Variants in COL22A1 observed in about 807,000 individuals in gnomAD.
COL22A1 encodes the protein collagen type XXII alpha 1 chain.
COL22A1 carries 221 observed loss-of-function variants against 248.9 expected under a neutral mutation model. That is an observed-to-expected ratio of 0.89 (90% CI 0.80 to 0.99). The LOEUF (loss-of-function observed/expected upper bound fraction) is 0.99, where lower values mean the gene tolerates loss of function less well. Ranked by LOEUF, COL22A1 falls within the 50% of genes least tolerant of loss-of-function variation. The probability of loss-of-function intolerance (pLI) is 0.00; values close to 1 mark genes in which losing one functional copy is unlikely to be tolerated. For missense variants in COL22A1, 2,240 were observed against 2,179.0 expected, an observed-to-expected ratio of 1.03 and a Z score of -0.56; for synonymous variants, 891 against 793.4, an observed-to-expected ratio of 1.12 and a Z score of -2.07.
In COL22A1 at chr8:138,689,453, T is replaced by C. The variant is rs113628761; in HGVS notation, c.2809-483A>G. ...AGAAGCAAAAAGGGGAGAACACTCA[T>C]GCCTGTAATCCCAGCACTCTGCAAG... is the stretch of plus-strand genomic sequence containing the variant. On this transcript the variant is annotated intron_variant, in intron 36 of 64. Transcript: ENST00000303045. 9.8e-3 allele frequency among the ~76,000 whole-genome samples: 1,492 copies of C among 152,204 alleles called. 25 individuals carry two copies. Among genetic ancestry groups the C allele is most frequent in the African/African-American group, 0.034 (1,429 of 41,542 alleles).
chr8:138,824,552 C>G (rs563182440), intron 6 of COL22A1, among the ~76,000 whole-genome samples: 2 of 152,318 alleles, frequency 1.3e-5, no homozygotes, highest in African/African-American at 4.8e-5. Flanking sequence ...GCCTACAAGA[C>G]TTATTGAAAC....
chr8:138,794,251 G>T (rs1290114983), intron 12 of COL22A1, among the ~76,000 whole-genome samples: 1 of 152,132 alleles, frequency 6.6e-6, no homozygotes, highest in Non-Finnish European at 1.5e-5. Flanking sequence ...GCTGAGCATG[G>T]TGATGCACGC....
At position 138,890,861 on chromosome 8, in the gene COL22A1, GA is replaced by G. The variant is rs559805886; in HGVS notation, c.-72-7618del. Among the ~76,000 whole-genome samples the G allele has an allele frequency of 6.0e-3, 836 of 139,876 alleles. 7 individuals are homozygous for G. Among genetic ancestry groups the G allele is most frequent in the African/African-American group, 0.018 (710 of 38,474 alleles). The allele number at this position is 139,876 out of a possible 152,430, so 91.8% of individuals were successfully genotyped here. A position where few individuals can be genotyped will look rare whatever the true frequency, so the allele number is the denominator to read the frequency against. On this transcript the variant is annotated intron_variant, in intron 1 of 64. Transcript: ENST00000303045. ...AACCTCGTCTCTACAAAAATACAAAGAAAAAAAAAAAACTAGCCGGGCATGG... is the reference window on the plus strand; with the variant it reads ...AACCTCGTCTCTACAAAAATACAAAGAAAAAAAAAAACTAGCCGGGCATGG...
At chr8:138,651,048 C>G (rs941746935) in intron 45 of COL22A1, among the ~76,000 whole-genome samples, 1 of 152,190 alleles carries the variant, frequency 6.6e-6, no homozygotes, top group Admixed American at 6.5e-5. Context: ...TTCTTGGTCT[C>G]CGATTTCAGG....
Position 138,693,717 on chromosome 8 carries a change from G to C in COL22A1, c.2701-18C>G. 6.4e-7 allele frequency: 1 copy of C among 1,560,478 alleles called. No individual in the cohort carries two copies. Among genetic ancestry groups the C allele is most frequent in the Non-Finnish European group, 8.7e-7 (1 of 1,151,784 alleles). On this transcript the variant is annotated intron_variant, in intron 34 of 64. Transcript: ENST00000303045. ...TTGGCACCCTGCACAGGAAATAAAA[G>C]AGGGGCGGGGGTAAGACACCCTCAG...
At chr8:138,822,276 C>T (rs1311338827) in intron 6 of COL22A1, among the ~76,000 whole-genome samples, 2 of 152,184 alleles carry the variant, frequency 1.3e-5, no homozygotes, top group African/African-American at 4.8e-5. Flanking sequence ...TCTCAAACTC[C>T]TGACCTCAAA....
In COL22A1 at chr8:138,776,134, T is replaced by G. The variant is rs1020408821; in HGVS notation, c.1759-124A>C. 21 of 881,884 alleles carry G rather than the reference T, an allele frequency of 2.4e-5. No individual in the cohort carries two copies. In the Admixed American group the frequency reaches 3.8e-4, roughly 16 times the overall value. 54.6% of individuals were successfully genotyped at this position (881,884 alleles called of 1,614,324 possible). A position where few individuals can be genotyped will look rare whatever the true frequency, so the allele number is the denominator to read the frequency against. On this transcript the variant is annotated intron_variant, in intron 15 of 64. Coordinates refer to ENST00000303045, the MANE Select transcript of COL22A1 (RefSeq NM_152888.3). ...CCCAGGGTGGCAGGGATGGTGATAG[T>G]GAGGACCCTGTCTCCCTGTGTAGTC... is the stretch of plus-strand genomic sequence containing the variant.
intron 46 of COL22A1, 22 bp from the exon 47 acceptor site, chr8:138,646,704 A>G (rs777960978): frequency 5.2e-6 from 8 of 1,543,118 alleles, no homozygotes; most frequent in Non-Finnish European, 7.0e-6. Context: ...ATACAAGAAA[A>G]AAAAAGAAAA....
intron 3 of COL22A1, among the ~76,000 whole-genome samples, chr8:138,854,492 G>A (rs368668617): frequency 2.4e-4 from 37 of 152,302 alleles, no homozygotes; most frequent in African/African-American, 8.9e-4. Flanking sequence ...AGGTAGCAGA[G>A]GCAGGGCTCA....
chr8:138,686,300 C>A, intron 37 of COL22A1, among the ~76,000 whole-genome samples: 1 of 152,180 alleles, frequency 6.6e-6, no homozygotes, highest in East Asian at 1.9e-4. Context: ...TCTTCTCTGA[C>A]GACAGGGCTC....
At chr8:138,867,955 G>A (rs993174445) in intron 3 of COL22A1, among the ~76,000 whole-genome samples, 1 of 152,110 alleles carries the variant, frequency 6.6e-6, no homozygotes, top group Non-Finnish European at 1.5e-5. Flanking sequence ...AGTACAGACA[G>A]GGTTTCACCA....
chr8:138,880,154 G>A (rs939392073), intron 2 of COL22A1, among the ~76,000 whole-genome samples: 2 of 152,244 alleles, frequency 1.3e-5, no homozygotes, highest in African/African-American at 4.8e-5. Flanking sequence ...AATCACCTAT[G>A]TGGAATTAAA....
chr8:138,796,459 CTTTGTG>C (rs949319184), intron 12 of COL22A1, among the ~76,000 whole-genome samples: 1 of 66,056 alleles, frequency 1.5e-5, no homozygotes, highest in Non-Finnish European at 3.0e-5. Context: ...AAGTGTATCT[CTTTGTG>C]TTTATCTTAA....
chr8:138,857,782 T>C (rs1009545073), intron 3 of COL22A1, among the ~76,000 whole-genome samples: 3 of 152,178 alleles, frequency 2.0e-5, no homozygotes, highest in African/African-American at 7.2e-5. Flanking sequence ...GTTTTACAGA[T>C]AAGGAATCAG....
chr8:138,810,358 G>T (rs556882336), intron 9 of COL22A1, among the ~76,000 whole-genome samples: 1 of 152,302 alleles, frequency 6.6e-6, no homozygotes, highest in East Asian at 1.9e-4. Context: ...TTTAAACAAG[G>T]ATTCCAGCGG....
intron 22 of COL22A1, among the ~76,000 whole-genome samples, chr8:138,740,799 G>A (rs914432972): frequency 1.3e-5 from 2 of 152,160 alleles, no homozygotes; most frequent in African/African-American, 4.8e-5. Context: ...CCATGAAGGG[G>A]CATCATCCAG....
intron 1 of COL22A1, among the ~76,000 whole-genome samples, chr8:138,888,746 G>A (rs1429725132): frequency 6.6e-6 from 1 of 152,186 alleles, no homozygotes; most frequent in Non-Finnish European, 1.5e-5. Context: ...CCAGGGGAGA[G>A]GCACAGAATC....
Position 138,868,492 on chromosome 8 carries a change from GATA to G in COL22A1, c.658+9255_658+9257del, listed in dbSNP as rs1210925543. ...ATTTACAGAGGCTCCTTTGGGGGTA[GATA>G]ATAATAATTTAAAAGTTAAGAAACA... On this transcript the variant is annotated intron_variant, in intron 3 of 64. Coordinates refer to ENST00000303045, the MANE Select transcript of COL22A1 (RefSeq NM_152888.3). Among the ~76,000 whole-genome samples the G allele has an allele frequency of 2.6e-5, 4 of 152,282 alleles. No individual in the cohort carries two copies. The East Asian group carries it at 7.7e-4, about 29-fold the overall frequency.
At chr8:138,731,729 G>A (rs1007925356) in intron 23 of COL22A1, among the ~76,000 whole-genome samples, 1 of 152,138 alleles carries the variant, frequency 6.6e-6, no homozygotes, top group Non-Finnish European at 1.5e-5. Flanking sequence ...TGTTGGCTGA[G>A]GGATCCCAGA....
Sources: allele counts gnomAD v4.1 joint callset (sites outside exome capture counted in the v4.1 genomes callset), GRCh38; gene constraint gnomAD v4.1.1; transcripts MANE v1.5; gene names NCBI Gene and HGNC (gene_info 2026-07-23, HGNC 2026-07-21).